Variants in GIGYF2 observed in about 807,000 individuals in gnomAD.
GIGYF2 encodes the protein GRB10-interacting GYF protein 2.
Under a neutral mutation model 208.1 loss-of-function variants are expected in GIGYF2, and 25 were observed. The ratio of observed to expected loss-of-function variants is 0.12; its 90% confidence interval spans 0.09 to 0.17. The LOEUF is 0.17. GIGYF2 is among the 10% of genes least tolerant of loss of function. GIGYF2 has a pLI of 1.00. For synonymous variants in GIGYF2, 534 were observed against 543.8 expected (o/e 0.98, Z 0.25); for missense variants, 1,302 against 1,579.4 (o/e 0.82, Z 2.98).
Position 232,847,546 on chromosome 2 carries a change from A to C in GIGYF2, c.3659A>C (p.Gln1220Pro). ...CAGCAGCAGCAGCAGCCGCCACAGCAGCCGCCACAGCAGCCACAACAGCAG... is the reference window on the plus strand; with the variant it reads ...CAGCAGCAGCAGCAGCCGCCACAGCCGCCGCCACAGCAGCCACAACAGCAG... The part of the protein sequence containing the change: ...PQQQQQQPPQ[Q>P]PPQQPQQQDS... Residue 1220 changes from glutamine to proline, a missense_variant, in exon 27 of 29, where the codon CAG becomes CCG. By Grantham distance (76) the Gln-to-Pro change is moderately conservative (BLOSUM62 -1). This residue lies in a region of GIGYF2 where 701 missense variants were observed against 793.0 expected (regional missense o/e 0.88). Coordinates refer to ENST00000373563, the MANE Select transcript of GIGYF2 (RefSeq NM_001103146.3). 1.2e-6 allele frequency: 2 copies of C among 1,610,970 alleles called. No individual in the cohort carries two copies. The highest frequency in any genetic ancestry group is 1.7e-6 in the Non-Finnish European group (2 of 1,179,636).
chr2:232,728,867 A>G (rs899215023), intron 2 of GIGYF2, among the ~76,000 whole-genome samples: 1 of 152,246 alleles, frequency 6.6e-6, no homozygotes, highest in Non-Finnish European at 1.5e-5. Context: ...GGATAGCATG[A>G]TGGAGCAGAG....
chr2:232,835,870 G>A (rs1326596207), intron 22 of GIGYF2, among the ~76,000 whole-genome samples: 1 of 151,956 alleles, frequency 6.6e-6, no homozygotes, highest in African/African-American at 2.4e-5. Context: ...CCCATTTCCC[G>A]TTTGCCCTGA....
intron 2 of GIGYF2, among the ~76,000 whole-genome samples, chr2:232,709,715 A>G (rs1696292536): frequency 6.6e-6 from 1 of 151,858 alleles, no homozygotes; most frequent in South Asian, 2.1e-4. Flanking sequence ...AGGCTGAGGC[A>G]GGAGAATCCC....
At chr2:232,784,391 T>TTTTCA (rs199776341) in intron 8 of GIGYF2, among the ~76,000 whole-genome samples, 1 of 120,172 alleles carries the variant, frequency 8.3e-6, no homozygotes, top group Non-Finnish European at 1.7e-5. Flanking sequence ...AATTTCTTTT[T>TTTTCA]TTTTTTTTTT....
chr2:232,814,328 C>T (rs1041401411), intron 18 of GIGYF2, among the ~76,000 whole-genome samples: 6 of 151,518 alleles, frequency 4.0e-5, no homozygotes, highest in African/African-American at 7.3e-5. Context: ...TTTGGGAGGC[C>T]GAGGTGGGTG....
At chr2:232,789,131 TCAG>T (rs1283457569) in intron 9 of GIGYF2, among the ~76,000 whole-genome samples, 3 of 152,212 alleles carry the variant, frequency 2.0e-5, no homozygotes, top group African/African-American at 7.2e-5. Flanking sequence ...GGTCTGTAAA[TCAG>T]CAGTCAGCCT....
rs1212544399 is a variant in GIGYF2, at chr2:232,833,039, G to A, written c.2712G>A (p.Glu904=). The change falls in exon 22 of 29, where the codon GAG becomes GAA. Residue 904 remains glutamate (E), a synonymous_variant. Transcript: ENST00000373563. ...ELMRQRQQQQ[E]ALRRLQQQQQ... is the part of the protein sequence containing the mutation. ...TGCGCCAGAGGCAGCAGCAGCAAGA[G>A]GCTCTCCGGAGGTTGCAGCAGCAGC... 3.8e-6 allele frequency: 6 copies of A among 1,559,948 alleles called. No individual in the cohort carries two copies. The highest frequency in any genetic ancestry group is 5.2e-6 in the Non-Finnish European group (6 of 1,151,564).
At position 232,735,252 on chromosome 2, in the gene GIGYF2, A is replaced by G; in HGVS notation, c.41+14A>G. The G allele has an allele frequency of 1.9e-6, 3 of 1,579,554 alleles. No individual in the cohort carries two copies. Among genetic ancestry groups the G allele is most frequent in the Non-Finnish European group, 2.6e-6 (3 of 1,148,576 alleles). ...TGGGCCTGAATGGTGAGTTTTCAAA[A>G]TCTCATCTTCTTTGATATTGGATGA... On this transcript the variant is annotated intron_variant, in intron 3 of 28. Transcript: ENST00000373563.
At chr2:232,703,871 C>T (rs1235094534) in intron 2 of GIGYF2, among the ~76,000 whole-genome samples, 1 of 152,174 alleles carries the variant, frequency 6.6e-6, no homozygotes, top group East Asian at 1.9e-4. Context: ...GGCCAGTGTC[C>T]TCTCTTGTCT....
chr2:232,790,097 G>A (rs960365117), intron 9 of GIGYF2, among the ~76,000 whole-genome samples: 4 of 152,080 alleles, frequency 2.6e-5, no homozygotes, highest in Non-Finnish European at 4.4e-5. Context: ...TATAAAATTA[G>A]GATAGTGAAC....
intron 20 of GIGYF2, among the ~76,000 whole-genome samples, chr2:232,818,971 CTTTTT>C (rs139232721): frequency 0.018 from 2,740 of 151,030 alleles, 87 homozygotes; most frequent in African/African-American, 0.063. Flanking sequence ...ATTTTTTGGT[CTTTTT>C]TTTTCTTTTT....
Position 232,697,333 on chromosome 2 carries a change from C to G in GIGYF2, c.-169C>G, listed in dbSNP as rs1349775928. 2 of 152,928 alleles carry G rather than the reference C, an allele frequency of 1.3e-5. No individual in the cohort carries two copies. Among genetic ancestry groups the G allele is most frequent in the African/African-American group, 2.4e-5 (1 of 41,472 alleles). The allele number at this position is 152,928 out of a possible 1,614,324, so 9.5% of individuals were successfully genotyped here. A position where few individuals can be genotyped will look rare whatever the true frequency, so the allele number is the denominator to read the frequency against. On this transcript the variant is annotated 5_prime_UTR_variant, in exon 1 of 29. It adds an upstream start codon to the 5' untranslated region. Transcript: ENST00000373563. ...ACGTGCGTGGCGACGTGTCGGCCAT[C>G]TTGTGTTGTTGAGGCTGAGGACTGA... is the stretch of plus-strand genomic sequence containing the variant.
Position 232,784,484 on chromosome 2 carries a change from G to A in GIGYF2, c.533-2666G>A, listed in dbSNP as rs559517821. Among the ~76,000 whole-genome samples the A allele has an allele frequency of 2.3e-5, 3 of 132,564 alleles. No homozygotes were observed. In the East Asian group the frequency reaches 7.3e-4, roughly 32 times the overall value. The allele number at this position is 132,564 out of a possible 152,430, so 87.0% of individuals were successfully genotyped here. A position where few individuals can be genotyped will look rare whatever the true frequency, so the allele number is the denominator to read the frequency against. Reference sequence around the variant, plus strand: ...GGCTCACTGCAAGCTCCACCTCCCAGGTTCATGCCATTCTCCTGCCTCAGC... The same window carrying A: ...GGCTCACTGCAAGCTCCACCTCCCAAGTTCATGCCATTCTCCTGCCTCAGC... On this transcript the variant is annotated intron_variant, in intron 8 of 28. Coordinates refer to ENST00000373563, the MANE Select transcript of GIGYF2 (RefSeq NM_001103146.3).
chr2:232,850,654 G>T (rs1690276556), intron 28 of GIGYF2, among the ~76,000 whole-genome samples: 1 of 152,192 alleles, frequency 6.6e-6, no homozygotes, highest in Admixed American at 6.6e-5. Flanking sequence ...GTGCTTTAAA[G>T]TATTGTTTGA....
Position 232,794,740 on chromosome 2 carries a change from C to T in GIGYF2, c.1283-8C>T. 6.2e-7 allele frequency: 1 copy of T among 1,607,778 alleles called. No homozygotes were observed. The highest frequency in any genetic ancestry group is 8.5e-7 in the Non-Finnish European group (1 of 1,174,396). ...TCAAAGGATTTTCATCTGATTTTTT[C>T]CCCCTAGAAATGGTTGCTGATGTCC... On this transcript the variant is annotated splice_polypyrimidine_tract_variant and splice_region_variant and intron_variant, in intron 12 of 28. Transcript: ENST00000373563.
chr2:232,815,959 G>T, intron 19 of GIGYF2: 1 of 532,140 alleles, frequency 1.9e-6, no homozygotes, highest in South Asian at 2.0e-5. Context: ...TGGTTAGTTG[G>T]CACATTGTTG....
At chr2:232,791,730 A>G (rs1700075084) in intron 12 of GIGYF2, among the ~76,000 whole-genome samples, 1 of 152,186 alleles carries the variant, frequency 6.6e-6, no homozygotes, top group Non-Finnish European at 1.5e-5. Context: ...ACTGGGTGTC[A>G]TAGCCTTTGC....
At chr2:232,801,325 T>C (rs1311395739) in intron 14 of GIGYF2, among the ~76,000 whole-genome samples, 1 of 151,994 alleles carries the variant, frequency 6.6e-6, no homozygotes, top group East Asian at 1.9e-4. Flanking sequence ...GTCCAAGAGT[T>C]CGAGACCAGC....
chr2:232,777,298 A>G (rs974431890), intron 8 of GIGYF2, among the ~76,000 whole-genome samples: 1 of 152,236 alleles, frequency 6.6e-6, no homozygotes, highest in African/African-American at 2.4e-5. Flanking sequence ...TTAATAAAAC[A>G]TAGTGTACAG....
Sources: gnomAD v4.1 joint callset for allele counts (sites outside exome capture counted in the v4.1 genomes callset) on GRCh38, gnomAD v4.1.1 for gene constraint, gnomAD v4.1.1 regional missense constraint, MANE v1.5 for transcripts, NCBI Gene and HGNC (gene_info 2026-07-23, HGNC 2026-07-21) for gene names.